ANAPC1: variants seen among roughly 807,000 people sequenced by gnomAD.
ANAPC1 encodes anaphase promoting complex subunit 1.
In ANAPC1, 36 loss-of-function variants were observed where a neutral mutation model predicts 208.0. The ratio of observed to expected loss-of-function variants is 0.17; its 90% CI spans 0.13 to 0.23. The LOEUF (loss-of-function observed/expected upper bound fraction) is 0.23, where lower values mean the gene tolerates loss of function less well. Ranked by LOEUF, ANAPC1 falls within the 10% of genes least tolerant of loss-of-function variation. The pLI is 1.00. For synonymous variants in ANAPC1, 378 were observed against 695.2 expected (o/e 0.54, Z 7.18); for missense variants, 942 against 2,011.6 (o/e 0.47, Z 10.17).
At chr2:111,883,534 CAAAA>C in intron 1 of ANAPC1, among the ~76,000 whole-genome samples, 1 of 124,406 alleles carries the variant, frequency 8.0e-6, no homozygotes, top group East Asian at 2.3e-4. Context: ...ACTACCCTGC[CAAAA>C]AAAAAAAAAA....
chr2:111,855,389 T>C (rs540804120), intron 13 of ANAPC1, among the ~76,000 whole-genome samples: 2 of 152,186 alleles, frequency 1.3e-5, no homozygotes, highest in South Asian at 2.1e-4. Flanking sequence ...GCTGGAAAAA[T>C]GGCACCAACA....
At position 111,883,545 on chromosome 2, in the gene ANAPC1, A is replaced by G. The variant is rs13397681; in HGVS notation, c.-25+397T>C. 5.9e-3 allele frequency among the ~76,000 whole-genome samples: 905 copies of G among 152,204 alleles called. 10 individuals carry two copies. Among genetic ancestry groups the G allele is most frequent in the African/African-American group, 0.021 (872 of 41,544 alleles). On this transcript the variant is annotated intron_variant, in intron 1 of 47. Coordinates refer to ENST00000341068, the MANE Select transcript of ANAPC1 (RefSeq NM_022662.4). Reference sequence around the variant, plus strand: ...AAACACTACCCTGCCAAAAAAAAAAAAAAGAGACCCAAATGCACACTAACG... The same window carrying G: ...AAACACTACCCTGCCAAAAAAAAAAGAAAGAGACCCAAATGCACACTAACG...
At chr2:111,792,734 C>T (rs370538285) in intron 37 of ANAPC1, among the ~76,000 whole-genome samples, 179 bp from the exon 38 acceptor site, 1 of 151,840 alleles carries the variant, frequency 6.6e-6, no homozygotes, top group Admixed American at 6.6e-5. Context: ...GGGCGGATCA[C>T]GAGGTCAGGA....
chr2:111,815,454 C>T lies in ANAPC1; in HGVS notation c.3513G>A (p.Glu1171=). 4.3e-6 allele frequency: 1 copy of T among 231,842 alleles called. No homozygotes were observed. The highest frequency in any genetic ancestry group is 7.7e-6 in the Non-Finnish European group (1 of 129,914). The allele number at this position is 231,842 out of a possible 1,614,324, so 14.4% of individuals were successfully genotyped here. A position where few individuals can be genotyped will look rare whatever the true frequency, so the allele number is the denominator to read the frequency against. Residue 1171 remains glutamate, a synonymous_variant, in exon 28 of 48, where the codon GAG becomes GAA. Coordinates refer to ENST00000341068, the MANE Select transcript of ANAPC1 (RefSeq NM_022662.4). ...CCAGAGCCATGAGAAAGCCAGCATA[C>T]TCATTGGCCAACTCAGCATGCTTGG... ...NKPKHAELAN[E]YAGFLMALGL...
rs1307417487 is a variant in ANAPC1 at position 111,825,121 on chromosome 2, TAA to T, written c.2741+8_2741+9del. The T allele has an allele frequency of 3.7e-6, 6 of 1,613,774 alleles. No individual in the cohort carries two copies. The African/African-American group carries it at 6.7e-5, about 18-fold the overall frequency. On this transcript the variant is annotated splice_region_variant and intron_variant, in intron 23 of 47. Coordinates refer to ENST00000341068, the MANE Select transcript of ANAPC1 (RefSeq NM_022662.4). ...GTTTGACATAAAAGCACAGTCTAAA[TAA>T]AAGTCACCTGTTTTCCTCTTGTTCT...
intron 16 of ANAPC1, among the ~76,000 whole-genome samples, chr2:111,846,421 A>G (rs1681061825): frequency 7.5e-6 from 1 of 132,804 alleles, no homozygotes; most frequent in Admixed American, 8.2e-5. Context: ...TAAAAACATC[A>G]TTAATACATT....
intron 17 of ANAPC1, among the ~76,000 whole-genome samples, chr2:111,843,099 C>T (rs1270506641): frequency 6.6e-6 from 1 of 152,106 alleles, no homozygotes; most frequent in African/African-American, 2.4e-5. Flanking sequence ...CTTTGTGATC[C>T]AGTTTCTTCA....
chr2:111,879,764 C>T (rs1270539337), intron 2 of ANAPC1, among the ~76,000 whole-genome samples: 3 of 151,854 alleles, frequency 2.0e-5, no homozygotes, highest in African/African-American at 7.3e-5. Flanking sequence ...CTCAGCTACT[C>T]GGGAGGCTGA....
At chr2:111,773,783 G>T (rs1676868669) in intron 46 of ANAPC1, among the ~76,000 whole-genome samples, 1 of 152,138 alleles carries the variant, frequency 6.6e-6, no homozygotes, top group Non-Finnish European at 1.5e-5. Flanking sequence ...AAGTGGAAGG[G>T]GCCAGGGTGG....
At position 111,782,346 on chromosome 2, in the gene ANAPC1, T is replaced by G. The variant is rs756429670; in HGVS notation, c.5202+23A>C. 5 of 1,612,970 alleles carry G rather than the reference T, an allele frequency of 3.1e-6. No individual in the cohort carries two copies. The South Asian group carries it at 5.5e-5, about 18-fold the overall frequency. ...GGCAATTTAGAATTATTTCTTTCCG[T>G]TTTTACCAATCAATAATACTACCTT... On this transcript the variant is annotated intron_variant, in intron 43 of 47. Transcript: ENST00000341068.
At chr2:111,780,215 AT>A (rs1677207108) in intron 44 of ANAPC1, 83 bp downstream of exon 44, 1 of 271,368 alleles carries the variant, frequency 3.7e-6, no homozygotes, top group Admixed American at 6.8e-5. Flanking sequence ...ATAGATATAG[AT>A]AGTAGAGATG....
Position 111,873,068 on chromosome 2 carries a change from C to T in ANAPC1, c.528+240G>A, listed in dbSNP as rs1305210117. 8.4e-6 allele frequency: 4 copies of T among 475,924 alleles called. No homozygotes were observed. In the Admixed American group the frequency reaches 1.5e-4, roughly 18 times the overall value. The allele number at this position is 475,924 out of a possible 1,614,324, so 29.5% of individuals were successfully genotyped here. On this transcript the variant is annotated intron_variant, in intron 5 of 47. Transcript: ENST00000341068. ...AATATAACCAAAAGTTCTTAGGTAT[C>T]ATTTAAACCAACAAACACATACCAC... is the stretch of plus-strand genomic sequence containing the variant.
At chr2:111,840,771 C>T (rs1467517514) in intron 17 of ANAPC1, among the ~76,000 whole-genome samples, 1 of 152,140 alleles carries the variant, frequency 6.6e-6, no homozygotes, top group Non-Finnish European at 1.5e-5. Context: ...GGCCAGGAGC[C>T]GTGGTTCACA....
rs578093453 is a variant in ANAPC1 at position 111,797,492 on chromosome 2, C to T, written c.4297-2598G>A. Among the ~76,000 whole-genome samples, 278 of 144,836 alleles carry T rather than the reference C, an allele frequency of 1.9e-3. 3 individuals carry two copies. Among genetic ancestry groups the T allele is most frequent in the East Asian group, 0.015 (71 of 4,782 alleles). On this transcript the variant is annotated intron_variant, in intron 34 of 47. Transcript: ENST00000341068. ...AGTTAAAATTATGGTAACAAATGAGCGAGTCATTTAAAACAATTCTTCCTC... is the reference window on the plus strand; with the variant it reads ...AGTTAAAATTATGGTAACAAATGAGTGAGTCATTTAAAACAATTCTTCCTC...
At chr2:111,810,548 G>C (rs1678928683) in intron 28 of ANAPC1, among the ~76,000 whole-genome samples, 1 of 150,612 alleles carries the variant, frequency 6.6e-6, no homozygotes, top group Non-Finnish European at 1.5e-5. Context: ...GTTTGCCAGA[G>C]AGCTAAAATA....
chr2:111,873,451 C>T, intron 4 of ANAPC1, 43 bp from the exon 5 acceptor site: 1 of 1,588,562 alleles, frequency 6.3e-7, no homozygotes, highest in Non-Finnish European at 8.6e-7. Flanking sequence ...TTTTTTCCCT[C>T]AAAGGAGTTC....
At chr2:111,826,313 T>TA (rs767388994) in intron 21 of ANAPC1, among the ~76,000 whole-genome samples, 35 of 152,232 alleles carry the variant, frequency 2.3e-4, no homozygotes, top group Admixed American at 4.6e-4. Context: ...CAATATAGTA[T>TA]ACTTTCATCA....
chr2:111,836,482 C>A (rs1225997256), intron 18 of ANAPC1, among the ~76,000 whole-genome samples: 1 of 149,892 alleles, frequency 6.7e-6, no homozygotes, highest in Non-Finnish European at 1.5e-5. Flanking sequence ...CTTGTCTCTA[C>A]CAAAAAAATT....
intron 17 of ANAPC1, among the ~76,000 whole-genome samples, chr2:111,840,109 G>A (rs961766297): frequency 2.6e-5 from 4 of 152,094 alleles, no homozygotes; most frequent in Non-Finnish European, 5.9e-5. Flanking sequence ...ACAGCAGCCC[G>A]GAAGCCACAA....
Sources: gnomAD v4.1 joint callset for allele counts (sites outside exome capture counted in the v4.1 genomes callset) on GRCh38, gnomAD v4.1.1 for gene constraint, MANE v1.5 for transcripts, NCBI Gene and HGNC (gene_info 2026-07-23, HGNC 2026-07-21) for gene names.